Variants in CDH4 observed in about 807,000 individuals in gnomAD.
The protein encoded by CDH4 is cadherin-4.
In CDH4, 33 loss-of-function variants were observed where a neutral mutation model predicts 86.0. That is an observed-to-expected ratio of 0.38 (90% CI 0.29 to 0.51). The LOEUF (loss-of-function observed/expected upper bound fraction) is 0.51. Ranked by LOEUF, CDH4 falls within the 20% of genes least tolerant of loss-of-function variation. The pLI, the probability that CDH4 is intolerant of heterozygous loss-of-function variation, is 0.86. For synonymous variants in CDH4, 555 were observed against 549.4 expected, an observed-to-expected ratio of 1.01 and a Z score of -0.14; for missense variants, 1,114 against 1,307.4, an observed-to-expected ratio of 0.85 and a Z score of 2.28.
chr20:61,843,253 A>C (rs368232885), intron 4 of CDH4, among the ~76,000 whole-genome samples: 2 of 151,310 alleles, frequency 1.3e-5, no homozygotes, highest in Admixed American at 1.3e-4. Flanking sequence ...GATCGAGACC[A>C]TCCTGGCTAA....
At chr20:61,279,843 G>A (rs903189733) in intron 2 of CDH4, among the ~76,000 whole-genome samples, 5 of 152,188 alleles carry the variant, frequency 3.3e-5, no homozygotes, top group African/African-American at 4.8e-5. Flanking sequence ...GCTGTTGTGA[G>A]TAACGGGGTG....
At chr20:61,447,563 G>C (rs1008235387) in intron 2 of CDH4, among the ~76,000 whole-genome samples, 1 of 150,864 alleles carries the variant, frequency 6.6e-6, no homozygotes, top group African/African-American at 2.4e-5. Context: ...AATCATTCGG[G>C]GTCTCCTACT....
chr20:61,794,554 G>C (rs868269523), intron 4 of CDH4, among the ~76,000 whole-genome samples: 5 of 152,236 alleles, frequency 3.3e-5, no homozygotes, highest in Admixed American at 1.3e-4. Context: ...CACTGGCAAA[G>C]AGTCACAGGT....
At chr20:61,769,649 C>A (rs2088750639) in intron 3 of CDH4, among the ~76,000 whole-genome samples, 1 of 152,168 alleles carries the variant, frequency 6.6e-6, no homozygotes, top group African/African-American at 2.4e-5. Context: ...GTGCCTTGGC[C>A]TCGCATGGCA....
At chr20:61,871,524 G>A (rs927061121) in intron 6 of CDH4, among the ~76,000 whole-genome samples, 1 of 152,218 alleles carries the variant, frequency 6.6e-6, no homozygotes, top group Admixed American at 6.5e-5. Context: ...TGTTAGGACT[G>A]TTTCTTCCCA....
intron 11 of CDH4, among the ~76,000 whole-genome samples, chr20:61,925,214 G>A (rs1399825039): frequency 6.6e-6 from 1 of 152,196 alleles, no homozygotes; most frequent in Non-Finnish European, 1.5e-5. Context: ...AGGGACATGG[G>A]CCAGCATCTC....
At chr20:61,715,380 A>C (rs2087941875) in intron 2 of CDH4, among the ~76,000 whole-genome samples, 2 of 152,190 alleles carry the variant, frequency 1.3e-5, no homozygotes, top group Admixed American at 1.3e-4. Flanking sequence ...TTTGAGTGAC[A>C]GTTCTGGAGG....
At chr20:61,565,230 G>GTGGTCCTCT (rs1555809100) in intron 2 of CDH4, among the ~76,000 whole-genome samples, 4 of 30,608 alleles carry the variant, frequency 1.3e-4, no homozygotes, top group Non-Finnish European at 6.3e-5. Context: ...GTAGGTGGTG[G>GTGGTCCTCT]TGGTGGTGGT....
chr20:61,326,549 A>G (rs1248166360), intron 2 of CDH4, among the ~76,000 whole-genome samples: 1 of 152,206 alleles, frequency 6.6e-6, no homozygotes, highest in African/African-American at 2.4e-5. Flanking sequence ...GTAAAAGAAA[A>G]TCAAACTAGC....
At chr20:61,301,139 C>T (rs1276387151) in intron 2 of CDH4, among the ~76,000 whole-genome samples, 11 of 152,266 alleles carry the variant, frequency 7.2e-5, no homozygotes, top group Admixed American at 7.2e-4. Context: ...CAGCCCGCTT[C>T]ACAGATGGAA....
At chr20:61,799,487 T>C (rs1979719315) in intron 4 of CDH4, among the ~76,000 whole-genome samples, 1 of 151,132 alleles carries the variant, frequency 6.6e-6, no homozygotes, top group Non-Finnish European at 1.5e-5. Flanking sequence ...CATTGGCACC[T>C]GTGCCCAGAG....
At chr20:61,913,416 C>T (rs929571259) in intron 9 of CDH4, among the ~76,000 whole-genome samples, 5 of 152,218 alleles carry the variant, frequency 3.3e-5, no homozygotes, top group Admixed American at 2.0e-4. Flanking sequence ...AGTGGAAGAG[C>T]ACAGCCAACT....
At position 61,317,491 on chromosome 20, in the gene CDH4, C is replaced by T. The variant is rs144086823; in HGVS notation, c.169+62554C>T. Among the ~76,000 whole-genome samples, 672 of 152,180 alleles carry T rather than the reference C, an allele frequency of 4.4e-3. 8 individuals carry two copies. Among genetic ancestry groups the T allele is most frequent in the African/African-American group, 0.015 (641 of 41,516 alleles). ...CCTGATTGGATGGGGAGGTCTGTGG[C>T]CCATTGCATCTCCCAGCTCACGTGC... On this transcript the variant is annotated intron_variant, in intron 2 of 15. Coordinates refer to ENST00000614565, the MANE Select transcript of CDH4 (RefSeq NM_001794.5).
chr20:61,615,495 C>T (rs981720443), intron 2 of CDH4, among the ~76,000 whole-genome samples: 3 of 152,186 alleles, frequency 2.0e-5, no homozygotes, highest in Non-Finnish European at 2.9e-5. Context: ...AGAGTGCCCA[C>T]GTGCAGCTTA....
intron 2 of CDH4, among the ~76,000 whole-genome samples, chr20:61,657,469 A>G (rs1194061163): frequency 3.3e-5 from 5 of 152,236 alleles, no homozygotes; most frequent in African/African-American, 1.2e-4. Context: ...AGCTTAACCT[A>G]TTAGTCTTCT....
intron 2 of CDH4, among the ~76,000 whole-genome samples, chr20:61,583,314 G>T (rs1403445447): frequency 6.7e-6 from 1 of 149,416 alleles, no homozygotes; most frequent in Non-Finnish European, 1.5e-5. Flanking sequence ...GGCTCTGTGG[G>T]GGGACAGAGG....
rs563085647 is a variant in CDH4 at position 61,385,716 on chromosome 20, G to A, written c.169+130779G>A. On this transcript the variant is annotated intron_variant, in intron 2 of 15. Transcript: ENST00000614565. ...GCTTCTCCACACGCCAGGTTCCCAG[G>A]CTCAGGATCGTCACAGATGCCTTTT... Among the ~76,000 whole-genome samples the A allele has an allele frequency of 4.6e-5, 7 of 152,156 alleles. No homozygotes were observed. The South Asian group carries it at 1.5e-3, about 32-fold the overall frequency.
At chr20:61,534,665 CTTTTTTTT>C (rs34309371) in intron 2 of CDH4, among the ~76,000 whole-genome samples, 1 of 76,066 alleles carries the variant, frequency 1.3e-5, no homozygotes, top group Non-Finnish European at 2.1e-5. Flanking sequence ...TTCTTTCTTT[CTTTTTTTT>C]TTTTTTTTTT....
chr20:61,934,737 C>CCCACA (rs199537506), intron 15 of CDH4, among the ~76,000 whole-genome samples: 1 of 148,602 alleles, frequency 6.7e-6, no homozygotes, highest in African/African-American at 2.4e-5. Context: ...CCCACCCCAC[C>CCCACA]CCACACCCCA....
Sources: allele counts gnomAD v4.1 joint callset (sites outside exome capture counted in the v4.1 genomes callset), GRCh38; gene constraint gnomAD v4.1.1; transcripts MANE v1.5; gene names NCBI Gene and HGNC (gene_info 2026-07-23, HGNC 2026-07-21).